Variants in CTU1 observed in about 807,000 individuals in gnomAD.
CTU1 encodes the protein cytoplasmic tRNA 2-thiolation protein 1.
Under a neutral mutation model 12.9 loss-of-function variants are expected in CTU1, and 15 were observed. That is an observed-to-expected ratio of 1.16 (90% CI 0.78 to 1.79). CTU1 has a LOEUF of 1.79. CTU1 is among the 40% of genes most tolerant of loss of function. The pLI is 0.00. For synonymous variants in CTU1, 295 were observed against 275.6 expected (o/e 1.07, Z -0.70); for missense variants, 553 against 550.5 (o/e 1.00, Z -0.05).
In CTU1 at chr19:51,098,631, G is replaced by GGGCCGGGCCGGAT; in HGVS notation, c.1004_1016dup (p.Pro340SerfsTer135). ...AGGTGGGGACGGCCTTGGAGGCGGGGGGCCGGGCCGGATCCCCGGGCGTCC... is the reference window on the plus strand; with the variant it reads ...AGGTGGGGACGGCCTTGGAGGCGGGGGGCCGGGCCGGATGGCCGGGCCGGATCCCCGGGCGTCC... On this transcript the variant is annotated frameshift_variant, in exon 3 of 3. Coordinates refer to ENST00000421832, the MANE Select transcript of CTU1 (RefSeq NM_145232.4). LOFTEE classifies it low-confidence loss of function (END_TRUNC). This position sits in a 1 kb window ranked among gnomAD's most constrained non-coding sequence, Gnocchi z 4.3. 1 of 1,309,596 alleles carries GGGCCGGGCCGGAT rather than the reference G, an allele frequency of 7.6e-7. No homozygotes were observed. The highest frequency in any genetic ancestry group is 9.7e-7 in the Non-Finnish European group (1 of 1,028,228). The allele number at this position is 1,309,596 out of a possible 1,614,324, so 81.1% of individuals were successfully genotyped here.
At position 51,098,785 on chromosome 19, in the gene CTU1, G is replaced by A. The variant is rs955742427; in HGVS notation, c.863C>T (p.Ser288Phe). The change falls in exon 3 of 3, where the codon TCC becomes TTC. Residue 288 changes from serine (S) to phenylalanine (F), a missense_variant. Coordinates refer to ENST00000421832, the MANE Select transcript of CTU1 (RefSeq NM_145232.4). This position sits in a 1 kb window ranked among gnomAD's most constrained non-coding sequence, Gnocchi z 4.3. ...GCGGCTGGCCAGCGCCCCACAGCGG[G>A]AGCAGGCGCCGGGGCGCGGGGGCCG... ...AARPPRPGAC[S>F]RCGALASRAL... is the part of the protein sequence containing the mutation. The A allele has an allele frequency of 6.6e-6, 7 of 1,066,280 alleles. No individual in the cohort carries two copies. The African/African-American group carries it at 1.2e-4, about 18-fold the overall frequency. 66.1% of individuals were successfully genotyped at this position (1,066,280 alleles called of 1,614,324 possible).
At position 51,104,490 on chromosome 19, in the gene CTU1, C is replaced by A; in HGVS notation, c.80G>T (p.Gly27Val). 7.6e-7 allele frequency: 1 copy of A among 1,311,334 alleles called. No homozygotes were observed. The highest frequency in any genetic ancestry group is 9.7e-7 in the Non-Finnish European group (1 of 1,032,632). The allele number at this position is 1,311,334 out of a possible 1,614,324, so 81.2% of individuals were successfully genotyped here. A position where few individuals can be genotyped will look rare whatever the true frequency, so the allele number is the denominator to read the frequency against. Residue 27 changes from glycine to valine, a missense_variant, in exon 2 of 3, where the codon GGT (glycine) becomes GTT (valine). This residue lies in a region of CTU1 where 500 missense variants were observed against 458.5 expected (regional missense o/e 1.09). Transcript: ENST00000421832. ...RRPLSGQALC[G>V]ACFCAAFEAE... is the part of the protein sequence containing the mutation. ...CTCGAAGGCGGCGCAGAAGCAGGCACCGCACAGCGCTTGGCCCGAGAGCGG... is the reference window on the plus strand; with the variant it reads ...CTCGAAGGCGGCGCAGAAGCAGGCAACGCACAGCGCTTGGCCCGAGAGCGG...
Position 51,098,726 on chromosome 19 carries a change from G to A in CTU1, c.922C>T (p.Leu308=). 8.0e-7 allele frequency: 1 copy of A among 1,245,068 alleles called. No homozygotes were observed. The highest frequency in any genetic ancestry group is 1.0e-6 in the Non-Finnish European group (1 of 988,224). 77.1% of individuals were successfully genotyped at this position (1,245,068 alleles called of 1,614,324 possible). A position where few individuals can be genotyped will look rare whatever the true frequency, so the allele number is the denominator to read the frequency against. ...LCQACALLDG[L]NRGRPRLAIG... is the part of the protein sequence containing the mutation. ...GCCAGGCGGGGCCGGCCGCGGTTCA[G>A]GCCGTCCAGGAGCGCGCAGGCCTGG... The change falls in exon 3 of 3, where the codon CTG becomes TTG. Residue 308 remains leucine (L), a synonymous_variant. Coordinates refer to ENST00000421832, the MANE Select transcript of CTU1 (RefSeq NM_145232.4). This position sits in a 1 kb window ranked among gnomAD's most constrained non-coding sequence, Gnocchi z 4.3.
intron 2 of CTU1, 148 bp downstream of exon 2, chr19:51,103,914 G>A (rs955022589): frequency 3.6e-6 from 3 of 833,084 alleles, no homozygotes; most frequent in East Asian, 3.4e-5. Context: ...CCGCACCTCC[G>A]TACAGGGATC....
At position 51,098,528 on chromosome 19, in the gene CTU1, G is replaced by A; in HGVS notation, c.*73C>T. On this transcript the variant is annotated 3_prime_UTR_variant, in exon 3 of 3. Transcript: ENST00000421832. This position sits in a 1 kb window ranked among gnomAD's most constrained non-coding sequence, Gnocchi z 4.3. ...ACATGGAAGGCCAGGTAAGGTAACG[G>A]GTTTATTCACAGTGTCATTTACAGG... 1 of 1,186,044 alleles carries A rather than the reference G, an allele frequency of 8.4e-7. No individual in the cohort carries two copies. Among genetic ancestry groups the A allele is most frequent in the Non-Finnish European group, 1.1e-6 (1 of 949,596 alleles). 73.5% of individuals were successfully genotyped at this position (1,186,044 alleles called of 1,614,324 possible). A position where few individuals can be genotyped will look rare whatever the true frequency, so the allele number is the denominator to read the frequency against.
At chr19:51,101,934 C>A (rs1201182357) in intron 2 of CTU1, among the ~76,000 whole-genome samples, 2 of 152,146 alleles carry the variant, frequency 1.3e-5, no homozygotes, top group East Asian at 3.9e-4. Context: ...TGGAAGGCTT[C>A]ATTACTTTTG....
intron 2 of CTU1, among the ~76,000 whole-genome samples, chr19:51,100,007 C>G (rs1362195370): frequency 5.3e-5 from 8 of 152,028 alleles, no homozygotes; most frequent in Non-Finnish European, 1.2e-4. Context: ...AGTGGGCAGC[C>G]AGGACCCAGA....
chr19:51,098,890 T>G lies in CTU1; in HGVS notation c.758A>C (p.Lys253Thr). The G allele has an allele frequency of 6.7e-7, 1 of 1,486,512 alleles. No homozygotes were observed. The highest frequency in any genetic ancestry group is 1.2e-5 in the South Asian group (1 of 82,482). The allele number at this position is 1,486,512 out of a possible 1,614,324, so 92.1% of individuals were successfully genotyped here. The change falls in exon 3 of 3, where the codon AAG (lysine) becomes ACG (threonine). Residue 253 changes from lysine to threonine, a missense_variant. Physicochemically the swap from Lys to Thr is moderately conservative, Grantham distance 78. This residue lies in a region of CTU1 where 500 missense variants were observed against 458.5 expected (regional missense o/e 1.09). Coordinates refer to ENST00000421832, the MANE Select transcript of CTU1 (RefSeq NM_145232.4). This position sits in a 1 kb window ranked among gnomAD's most constrained non-coding sequence, Gnocchi z 4.3. ...GGACGGCCGCGCCGCCTCCAGGCGCTTGAGCAGGTCCCGGGCGTGGCCGCG... is the reference window on the plus strand; with the variant it reads ...GGACGGCCGCGCCGCCTCCAGGCGCGTGAGCAGGTCCCGGGCGTGGCCGCG... ...AFRGHARDLL[K>T]RLEAARPSAV... is the part of the protein sequence containing the mutation.
rs966864399 is a variant in CTU1, at chr19:51,104,110, C to G, written c.460G>C (p.Ala154Pro). 6.8e-7 allele frequency: 1 copy of G among 1,480,768 alleles called. No homozygotes were observed. Among genetic ancestry groups the G allele is most frequent in the Non-Finnish European group, 8.8e-7 (1 of 1,132,594 alleles). The allele number at this position is 1,480,768 out of a possible 1,614,324, so 91.7% of individuals were successfully genotyped here. A position where few individuals can be genotyped will look rare whatever the true frequency, so the allele number is the denominator to read the frequency against. Residue 154 changes from alanine (A) to proline (P), a missense_variant, in exon 2 of 3, where the codon GCG (alanine) becomes CCG (proline). This residue lies in a region of CTU1 where 500 missense variants were observed against 458.5 expected (regional missense o/e 1.09). Transcript: ENST00000421832. Reference protein sequence around the residue: ...CTFCGVLRRRALEEGARRVGA... With the variant: ...CTFCGVLRRRPLEEGARRVGA... ...ACGCGGCGCGCCCCTTCCTCCAGCG[C>G]CCGGCGCCGCAGCACTCCACAGAAG...
At position 51,098,854 on chromosome 19, in the gene CTU1, T is replaced by C; in HGVS notation, c.794A>G (p.Asp265Gly). ...CAGGCGCTCGGCCGAGTGCACGAGG[T>C]CCAGCACCGCGGACGGCCGCGCCGC... ...LEAARPSAVLDLVHSAERLAL... is the reference protein window; with the variant it reads ...LEAARPSAVLGLVHSAERLAL... Residue 265 changes from aspartate (D) to glycine (G), a missense_variant, in exon 3 of 3, where the codon GAC (aspartate) becomes GGC (glycine). Physicochemically the swap from Asp to Gly is moderately conservative, Grantham distance 94. Around this residue, in one of 2 missense-constraint regions of CTU1, gnomAD observed 500 missense variants for 458.5 expected, o/e 1.09. Coordinates refer to ENST00000421832, the MANE Select transcript of CTU1 (RefSeq NM_145232.4). This position sits in a 1 kb window ranked among gnomAD's most constrained non-coding sequence, Gnocchi z 4.3. 3.7e-6 allele frequency: 5 copies of C among 1,364,148 alleles called. No homozygotes were observed. Among genetic ancestry groups the C allele is most frequent in the Non-Finnish European group, 4.8e-6 (5 of 1,051,882 alleles). The allele number at this position is 1,364,148 out of a possible 1,614,324, so 84.5% of individuals were successfully genotyped here. A position where few individuals can be genotyped will look rare whatever the true frequency, so the allele number is the denominator to read the frequency against.
At chr19:51,099,945 G>A (rs184691807) in intron 2 of CTU1, among the ~76,000 whole-genome samples, 2 of 152,232 alleles carry the variant, frequency 1.3e-5, no homozygotes, top group African/African-American at 4.8e-5. Context: ...CCCTTAGAGG[G>A]GAGGAGGGAG....
At chr19:51,107,468 A>T (rs537370445) in intron 1 of CTU1, among the ~76,000 whole-genome samples, 2 of 152,184 alleles carry the variant, frequency 1.3e-5, no homozygotes, top group South Asian at 2.1e-4. Context: ...TGTCTCAAAT[A>T]AAAAAAGTGG....
chr19:51,104,235 G>C lies in CTU1; in HGVS notation c.335C>G (p.Pro112Arg), dbSNP rs541753587. The change falls in exon 2 of 3, where the codon CCG becomes CGG. Residue 112 changes from proline to arginine, a missense_variant. Physicochemically the swap from Pro to Arg is moderately radical, Grantham distance 103 (BLOSUM62 -2). This residue lies in a region of CTU1 where 500 missense variants were observed against 458.5 expected (regional missense o/e 1.09). Transcript: ENST00000421832. ...VRRQAARWEL[P>R]LTVVAYEDLF... is the part of the protein sequence containing the mutation. ...GTCTTCGTAGGCCACGACCGTGAGC[G>C]GCAGCTCCCAGCGCGCCGCCTGGCG... The C allele has an allele frequency of 2.0e-6, 3 of 1,513,634 alleles. No homozygotes were observed. Among genetic ancestry groups the C allele is most frequent in the East Asian group, 5.2e-5 (2 of 38,472 alleles). 93.8% of individuals were successfully genotyped at this position (1,513,634 alleles called of 1,614,324 possible).
Position 51,108,142 on chromosome 19 carries a change from T to TC in CTU1, c.-22+204dup, listed in dbSNP as rs2091924864. Among the ~76,000 whole-genome samples, 1 of 151,998 alleles carries TC rather than the reference T, an allele frequency of 6.6e-6. No homozygotes were observed. ...GGGCGGGGGCAAGCAGATGGTCTTATCCTGTCTTGGGGAAGGGAGTGGCCC... is the reference window on the plus strand; with the variant it reads ...GGGCGGGGGCAAGCAGATGGTCTTATCCCTGTCTTGGGGAAGGGAGTGGCCC... On this transcript the variant is annotated intron_variant, in intron 1 of 2. Transcript: ENST00000421832. The surrounding 1 kb of genome is among the most constrained non-coding windows in gnomAD (Gnocchi z 4.5).
Position 51,098,939 on chromosome 19 carries a change from A to T in CTU1, c.709T>A (p.Cys237Ser), listed in dbSNP as rs374689764. The part of the protein sequence containing the change: ...FRRLDYFSEE[C>S]VYAPEAFRGH... ...CGGAAGGCCTCGGGCGCGTAGACGC[A>T]CTCCTCGGAGAAGTAGTCGAGGCGG... Residue 237 changes from cysteine to serine, a missense_variant, in exon 3 of 3, where the codon TGC becomes AGC. By Grantham distance (112) the Cys-to-Ser change is moderately radical. Coordinates refer to ENST00000421832, the MANE Select transcript of CTU1 (RefSeq NM_145232.4). The surrounding 1 kb of genome is among the most constrained non-coding windows in gnomAD (Gnocchi z 4.3). 8.4e-6 allele frequency: 13 copies of T among 1,539,322 alleles called. No homozygotes were observed. Among genetic ancestry groups the T allele is most frequent in the Admixed American group, 3.6e-5 (2 of 55,706 alleles).
chr19:51,104,990 G>A (rs1404531178), intron 1 of CTU1, among the ~76,000 whole-genome samples: 1 of 152,186 alleles, frequency 6.6e-6, no homozygotes, highest in Non-Finnish European at 1.5e-5. Flanking sequence ...ATCAGGACAA[G>A]GTAGGTATCA....
In CTU1 at chr19:51,098,474, G is replaced by T; in HGVS notation, c.*127C>A. The T allele has an allele frequency of 1.1e-6, 1 of 942,520 alleles. No homozygotes were observed. Among genetic ancestry groups the T allele is most frequent in the Non-Finnish European group, 1.4e-6 (1 of 734,284 alleles). 58.4% of individuals were successfully genotyped at this position (942,520 alleles called of 1,614,324 possible). On this transcript the variant is annotated 3_prime_UTR_variant, in exon 3 of 3. Transcript: ENST00000421832. This position sits in a 1 kb window ranked among gnomAD's most constrained non-coding sequence, Gnocchi z 4.3. ...TCCCAGCTTCTTCAGGGTTTCAGGT[G>T]AATGGGCCCCCGTCTCCTTCCCAAC...
Position 51,098,691 on chromosome 19 carries a change from C to CT in CTU1, c.956dup (p.Arg321ProfsTer150). The CT allele has an allele frequency of 7.7e-7, 1 of 1,291,182 alleles. No homozygotes were observed. The highest frequency in any genetic ancestry group is 2.1e-5 in the South Asian group (1 of 47,996). The allele number at this position is 1,291,182 out of a possible 1,614,324, so 80.0% of individuals were successfully genotyped here. A position where few individuals can be genotyped will look rare whatever the true frequency, so the allele number is the denominator to read the frequency against. On this transcript the variant is annotated frameshift_variant, in exon 3 of 3. Transcript: ENST00000421832. LOFTEE classifies it low-confidence loss of function (END_TRUNC). This position sits in a 1 kb window ranked among gnomAD's most constrained non-coding sequence, Gnocchi z 4.3. ...CCTCCTCGTCCAGACCCCGGCGGCC[C>CT]TTGCCGATGGCCAGGCGGGGCCGGC...
At position 51,104,182 on chromosome 19, in the gene CTU1, C is replaced by A; in HGVS notation, c.388G>T (p.Val130Leu). The A allele has an allele frequency of 6.6e-7, 1 of 1,521,828 alleles. No individual in the cohort carries two copies. Among genetic ancestry groups the A allele is most frequent in the East Asian group, 2.6e-5 (1 of 38,808 alleles). 94.3% of individuals were successfully genotyped at this position (1,521,828 alleles called of 1,614,324 possible). ...DLFGGWTMDA[V>L]ARSTAGSGRS... ...CCGGAGCCGGCTGTGCTGCGGGCCA[C>A]GGCGTCCATCGTCCAGCCCCCAAAG... Residue 130 changes from valine (V) to leucine (L), a missense_variant, in exon 2 of 3, where the codon GTG (valine) becomes TTG (leucine). Physicochemically the swap from Val to Leu is conservative, Grantham distance 32. Coordinates refer to ENST00000421832, the MANE Select transcript of CTU1 (RefSeq NM_145232.4).
Sources: allele counts gnomAD v4.1 joint callset (sites outside exome capture counted in the v4.1 genomes callset), GRCh38; gene constraint gnomAD v4.1.1; regional missense constraint gnomAD v4.1.1; non-coding constraint Gnocchi (gnomAD v3.1); transcripts MANE v1.5; gene names NCBI Gene and HGNC (gene_info 2026-07-23, HGNC 2026-07-21).